The following CHRM3 variants were observed in gnomAD, a reference collection of about 807,000 sequenced individuals.
CHRM3 encodes muscarinic acetylcholine receptor M3.
A neutral mutation model predicts 41.8 loss-of-function variants in CHRM3; 11 were observed. The observed-to-expected ratio is 0.26, with a 90% CI of 0.17 to 0.44. CHRM3 has a LOEUF of 0.44. Among genes scored for constraint, CHRM3 ranks in the 20% least tolerant of loss-of-function variants. The probability of loss-of-function intolerance (pLI) is 1.00; values close to 1 mark genes in which losing one functional copy is unlikely to be tolerated. For synonymous variants in CHRM3, 297 were observed against 301.4 expected, an observed-to-expected ratio of 0.99 and a Z score of 0.15; for missense variants, 571 against 745.4, an observed-to-expected ratio of 0.77 and a Z score of 2.72.
intron 5 of CHRM3, among the ~76,000 whole-genome samples, chr1:239,701,586 C>G (rs1322666495): frequency 6.6e-6 from 1 of 152,200 alleles, no homozygotes; most frequent in Non-Finnish European, 1.5e-5. Context: ...CTATCTGGCT[C>G]TTACCTCTCA....
intron 3 of CHRM3, among the ~76,000 whole-genome samples, chr1:239,549,476 C>G (rs1003668754): frequency 6.9e-6 from 1 of 144,998 alleles, no homozygotes; most frequent in African/African-American, 2.5e-5. Flanking sequence ...ATGGTGAAAA[C>G]CCATCTCTAC....
intron 4 of CHRM3, among the ~76,000 whole-genome samples, chr1:239,655,013 A>G (rs1487170213): frequency 6.6e-6 from 1 of 152,244 alleles, no homozygotes; most frequent in African/African-American, 2.4e-5. Context: ...TGTTCTTACC[A>G]AGTTCCATCT....
intron 1 of CHRM3, among the ~76,000 whole-genome samples, chr1:239,389,717 C>T (rs6701390): frequency 0.15 from 22,505 of 152,174 alleles, 2,252 homozygotes; most frequent in African/African-American, 0.27. Context: ...TAAAGTAATA[C>T]ATATTTTCAG....
chr1:239,407,010 G>T lies in CHRM3; in HGVS notation c.-521+19783G>T, dbSNP rs1660641713. Among the ~76,000 whole-genome samples, 3 of 151,542 alleles carry T rather than the reference G, an allele frequency of 2.0e-5. No homozygotes were observed. The South Asian group carries it at 6.2e-4, about 31-fold the overall frequency. ...AGAGATACTTTAAAGGACCAGTAAGGTCTAAATAGAGAAGAAGATCCAGGC... is the reference window on the plus strand; with the variant it reads ...AGAGATACTTTAAAGGACCAGTAAGTTCTAAATAGAGAAGAAGATCCAGGC... On this transcript the variant is annotated intron_variant, in intron 1 of 6. Transcript: ENST00000676153.
intron 6 of CHRM3, among the ~76,000 whole-genome samples, chr1:239,829,910 C>G (rs765342438): frequency 2.6e-5 from 4 of 152,110 alleles, no homozygotes; most frequent in Non-Finnish European, 5.9e-5. Flanking sequence ...CAAATAAGAG[C>G]CCCTTATAAT....
chr1:239,460,207 TG>T (rs1305333144), intron 1 of CHRM3, among the ~76,000 whole-genome samples: 1 of 152,164 alleles, frequency 6.6e-6, no homozygotes, highest in Non-Finnish European at 1.5e-5. Context: ...GAGTATGTAT[TG>T]GGGAAGAATG....
chr1:239,647,701 G>T (rs960180566), intron 4 of CHRM3, among the ~76,000 whole-genome samples: 1 of 152,130 alleles, frequency 6.6e-6, no homozygotes, highest in African/African-American at 2.4e-5. Flanking sequence ...TCCAAAACCA[G>T]AATAGCAAAA....
chr1:239,573,804 T>C (rs1229985343), intron 3 of CHRM3, among the ~76,000 whole-genome samples: 2 of 152,180 alleles, frequency 1.3e-5, no homozygotes, highest in African/African-American at 2.4e-5. Context: ...TTAATCATGT[T>C]CTTTTAAATT....
chr1:239,646,267 T>G (rs573190689), intron 4 of CHRM3, among the ~76,000 whole-genome samples: 1 of 152,332 alleles, frequency 6.6e-6, no homozygotes, highest in East Asian at 1.9e-4. Flanking sequence ...GACAGACCAT[T>G]TAGCTGATCT....
At position 239,789,297 on chromosome 1, in the gene CHRM3, A is replaced by G. The variant is rs1558124050; in HGVS notation, c.-146-37955A>G. 1.3e-5 allele frequency among the ~76,000 whole-genome samples: 2 copies of G among 152,234 alleles called. 1 individual carries two copies. The highest frequency in any genetic ancestry group is 2.9e-5 in the Non-Finnish European group (2 of 68,044). ...TCATCTAGTTGTATACTCTGGAGGA[A>G]GAAAAATTAATTTGGCGAAGATTAA... On this transcript the variant is annotated intron_variant, in intron 5 of 6. Transcript: ENST00000676153.
At chr1:239,587,017 C>A (rs1312475363) in intron 3 of CHRM3, among the ~76,000 whole-genome samples, 1 of 152,212 alleles carries the variant, frequency 6.6e-6, no homozygotes, top group Admixed American at 6.5e-5. Flanking sequence ...ACTCCTCAAG[C>A]CTATTCCTTC....
rs763066040 is a variant in CHRM3, at chr1:239,612,538, C to T, written c.-312-19686C>T. On this transcript the variant is annotated intron_variant, in intron 3 of 6. Coordinates refer to ENST00000676153, the MANE Select transcript of CHRM3 (RefSeq NM_001375978.1). ...ATCAAATCCACAGATAAATAGACAC[C>T]GGCCTGTTCTCACTGCTTGCCAACC... 1.6e-4 allele frequency among the ~76,000 whole-genome samples: 25 copies of T among 152,268 alleles called. No individual in the cohort carries two copies. The East Asian group carries it at 2.1e-3, about 13-fold the overall frequency.
intron 2 of CHRM3, among the ~76,000 whole-genome samples, chr1:239,525,141 T>C (rs984223297): frequency 2.0e-4 from 30 of 152,018 alleles, no homozygotes. Flanking sequence ...GGAGGGAGGA[T>C]TGCTTGAGCC....
intron 4 of CHRM3, among the ~76,000 whole-genome samples, chr1:239,636,602 C>A (rs1465702057): frequency 2.0e-5 from 3 of 152,102 alleles, no homozygotes; most frequent in African/African-American, 7.2e-5. Flanking sequence ...TATTTACATT[C>A]TGATTTCTGT....
chr1:239,901,546 C>T (rs1466634426), intron 6 of CHRM3, among the ~76,000 whole-genome samples: 1 of 152,112 alleles, frequency 6.6e-6, no homozygotes, highest in African/African-American at 2.4e-5. Context: ...CTTTAGTATA[C>T]AGGCATGTAC....
At chr1:239,553,087 C>T (rs556839594) in intron 3 of CHRM3, among the ~76,000 whole-genome samples, 2 of 152,032 alleles carry the variant, frequency 1.3e-5, no homozygotes, top group South Asian at 2.1e-4. Context: ...AACGAGGAGA[C>T]GTATACTGTT....
intron 5 of CHRM3, among the ~76,000 whole-genome samples, chr1:239,787,638 C>T (rs1349158496): frequency 3.3e-5 from 5 of 152,108 alleles, no homozygotes; most frequent in Admixed American, 2.6e-4. Context: ...GCAATGTGAT[C>T]GTGCTGGCCC....
chr1:239,839,800 C>CG (rs555868620), intron 6 of CHRM3, among the ~76,000 whole-genome samples: 10,620 of 109,198 alleles, frequency 0.097, 600 homozygotes, highest in Non-Finnish European at 0.14. Context: ...AGTGGCGGGG[C>CG]GGGGGGGGAG....
chr1:239,419,646 T>G (rs1346315079), intron 1 of CHRM3, among the ~76,000 whole-genome samples: 1 of 152,250 alleles, frequency 6.6e-6, no homozygotes, highest in Non-Finnish European at 1.5e-5. Context: ...TTGGGAATTC[T>G]GTGGTCCATT....
Sources: allele counts gnomAD v4.1 joint callset (sites outside exome capture counted in the v4.1 genomes callset), GRCh38; gene constraint gnomAD v4.1.1; transcripts MANE v1.5; gene names NCBI Gene and HGNC (gene_info 2026-07-23, HGNC 2026-07-21).